Variants in BRI3BP observed in about 807,000 individuals in gnomAD.
BRI3BP encodes the protein BRI3 binding protein.
In BRI3BP, 7 loss-of-function variants were observed where a neutral mutation model predicts 15.8. That is an observed-to-expected ratio of 0.44 (90% confidence interval 0.25 to 0.83). The LOEUF is 0.83. BRI3BP is among the 40% of genes least tolerant of loss of function. The pLI, the probability that BRI3BP is intolerant of heterozygous loss-of-function variation, is 0.20. For missense variants in BRI3BP, 320 were observed against 339.3 expected, an observed-to-expected ratio of 0.94 and a Z score of 0.45; for synonymous variants, 192 against 163.5, an observed-to-expected ratio of 1.17 and a Z score of -1.33.
intron 2 of BRI3BP, among the ~76,000 whole-genome samples, chr12:125,019,596 T>C (rs1340041938): frequency 6.6e-6 from 1 of 150,804 alleles, no homozygotes; most frequent in East Asian, 1.9e-4. Flanking sequence ...TTTAGATAGA[T>C]TGGATTAAAC....
At chr12:124,994,882 C>CT (rs1273783792) in intron 1 of BRI3BP, among the ~76,000 whole-genome samples, 1 of 152,134 alleles carries the variant, frequency 6.6e-6, no homozygotes, top group African/African-American at 2.4e-5. Flanking sequence ...AGTTGGAGCT[C>CT]TACCAGTTGG....
At chr12:125,039,991 C>T in the BRI3BP span, among the ~76,000 whole-genome samples, 11 of 152,082 alleles carry the variant, frequency 7.2e-5, no homozygotes, top group East Asian at 1.9e-4. Flanking sequence ...TGGCTGGGTA[C>T]GGTGGCTCAT....
chr12:125,002,680 TCTCCTGAC>T (rs1955106093), intron 1 of BRI3BP, among the ~76,000 whole-genome samples: 1 of 152,138 alleles, frequency 6.6e-6, no homozygotes, highest in African/African-American at 2.4e-5. Flanking sequence ...ATGGTCTCGA[TCTCCTGAC>T]CTCGTGATCC....
intron 1 of BRI3BP, among the ~76,000 whole-genome samples, chr12:125,003,957 ACACACACACACAC>A (rs1307666620): frequency 3.9e-4 from 2 of 5,184 alleles, no homozygotes; most frequent in African/African-American, 8.3e-3. Flanking sequence ...CATCTCAAAA[ACACACACACACAC>A]ACACACACAC....
intron 1 of BRI3BP, among the ~76,000 whole-genome samples, chr12:125,002,109 A>G (rs532439299): frequency 5.9e-5 from 9 of 152,276 alleles, no homozygotes; most frequent in East Asian, 1.9e-4. Flanking sequence ...CTGATCATCA[A>G]CTGATGCACA....
rs1955348478 is a variant in BRI3BP, at chr12:125,025,701, A to G, written c.*271A>G. The G allele has an allele frequency of 7.6e-6, 3 of 396,280 alleles. No individual in the cohort carries two copies. Among genetic ancestry groups the G allele is most frequent in the South Asian group, 5.9e-5 (1 of 17,052 alleles). The allele number at this position is 396,280 out of a possible 1,614,324, so 24.5% of individuals were successfully genotyped here. On this transcript the variant is annotated 3_prime_UTR_variant, in exon 3 of 3. Transcript: ENST00000341446. ...AGGATATAACCATATTTAGTTGTACAGTAAGAGAAATTTATCTGTGCATAG... is the reference window on the plus strand; with the variant it reads ...AGGATATAACCATATTTAGTTGTACGGTAAGAGAAATTTATCTGTGCATAG...
downstream of BRI3BP, among the ~76,000 whole-genome samples, chr12:125,036,228 C>G (rs1955439651): frequency 1.3e-5 from 2 of 152,102 alleles, no homozygotes; most frequent in Middle Eastern, 3.4e-3. Flanking sequence ...CTACACCTGG[C>G]TAATTTTTGT....
rs1326952672 is a variant in BRI3BP at position 125,030,390 on chromosome 12, A to G, written c.*4960A>G. 1 of 152,206 alleles carries G rather than the reference A, an allele frequency of 6.6e-6. No homozygotes were observed. Among genetic ancestry groups the G allele is most frequent in the Non-Finnish European group, 1.5e-5 (1 of 68,036 alleles). 9.4% of individuals were successfully genotyped at this position (152,206 alleles called of 1,614,324 possible). ...GGACTTTGACTCCTCACTTGTGAAT[A>G]ATAGGAATATATTTTGCAGAATCTA... On this transcript the variant is annotated 3_prime_UTR_variant, in exon 3 of 3. Transcript: ENST00000341446.
chr12:125,026,182 G>C lies in BRI3BP; in HGVS notation c.*752G>C, dbSNP rs1399914558. 6.6e-6 allele frequency: 1 copy of C among 152,200 alleles called. No individual in the cohort carries two copies. Among genetic ancestry groups the C allele is most frequent in the Admixed American group, 6.5e-5 (1 of 15,274 alleles). The allele number at this position is 152,200 out of a possible 1,614,324, so 9.4% of individuals were successfully genotyped here. On this transcript the variant is annotated 3_prime_UTR_variant, in exon 3 of 3. Transcript: ENST00000341446. ...AACATTTTGAAACGGAAAATGCAAG[G>C]AGGGGCCAAGAAATGTCCTGGGGAT...
chr12:125,035,394 CTT>C (rs55943185), downstream of BRI3BP, among the ~76,000 whole-genome samples: 356 of 131,858 alleles, frequency 2.7e-3, no homozygotes, highest in Middle Eastern at 3.8e-3. Flanking sequence ...TAGGTATTGT[CTT>C]TTTTTTTTTT....
At chr12:125,022,927 T>C (rs888029202) in intron 2 of BRI3BP, among the ~76,000 whole-genome samples, 1 of 152,226 alleles carries the variant, frequency 6.6e-6, no homozygotes, top group Non-Finnish European at 1.5e-5. Flanking sequence ...TCAAATGGGT[T>C]AATCTAAAAA....
intron 2 of BRI3BP, among the ~76,000 whole-genome samples, chr12:125,014,859 C>A (rs976712984): frequency 6.6e-6 from 1 of 152,130 alleles, no homozygotes; most frequent in Non-Finnish European, 1.5e-5. Context: ...GCCTCAACTT[C>A]CTGGGCTCGT....
At chr12:125,044,533 T>C in the BRI3BP span, among the ~76,000 whole-genome samples, 2 of 150,888 alleles carry the variant, frequency 1.3e-5, no homozygotes, top group African/African-American at 4.9e-5. Context: ...CACTGTAAAC[T>C]CTGCCTCCTG....
intron 2 of BRI3BP, among the ~76,000 whole-genome samples, chr12:125,020,472 C>G (rs1251230139): frequency 6.6e-6 from 1 of 152,220 alleles, no homozygotes; most frequent in Non-Finnish European, 1.5e-5. Context: ...CCTCCTAAGA[C>G]CATCACTTTT....
At chr12:125,033,865 C>A (rs890960641), downstream of BRI3BP, among the ~76,000 whole-genome samples, 2 of 152,066 alleles carry the variant, frequency 1.3e-5, no homozygotes, top group African/African-American at 4.8e-5. Context: ...ACCTCAGCCT[C>A]CCTAGTAGTT....
chr12:125,033,047 G>A (rs1367784065), downstream of BRI3BP, among the ~76,000 whole-genome samples: 1 of 152,148 alleles, frequency 6.6e-6, no homozygotes, highest in East Asian at 1.9e-4. Context: ...AGAGCAGCTG[G>A]CGGCATTGCT....
downstream of BRI3BP, among the ~76,000 whole-genome samples, chr12:125,033,165 A>G (rs544067522): frequency 6.6e-6 from 1 of 152,290 alleles, no homozygotes; most frequent in Admixed American, 6.5e-5. Context: ...CAAACAAACA[A>G]AAAAAACAAA....
chr12:125,020,313 G>A (rs746747074), intron 2 of BRI3BP, among the ~76,000 whole-genome samples: 5 of 152,194 alleles, frequency 3.3e-5, no homozygotes, highest in Non-Finnish European at 7.4e-5. Context: ...GGCAGATGCA[G>A]GCTGTGGGGA....
the BRI3BP span, among the ~76,000 whole-genome samples, chr12:125,041,115 G>A: frequency 6.6e-5 from 10 of 151,738 alleles, no homozygotes; most frequent in South Asian, 2.1e-4. Flanking sequence ...GCGTGATCTC[G>A]GCTCACTGCA....
Sources: gnomAD v4.1 joint callset for allele counts (sites outside exome capture counted in the v4.1 genomes callset) on GRCh38, gnomAD v4.1.1 for gene constraint, MANE v1.5 for transcripts, NCBI Gene and HGNC (gene_info 2026-07-23, HGNC 2026-07-21) for gene names.